ARNT2: variants seen among roughly 807,000 people sequenced by gnomAD.
ARNT2 encodes ARNT protein 2.
In ARNT2, 36 loss-of-function variants were observed where a neutral mutation model predicts 91.7. That is an observed-to-expected ratio of 0.39 (90% CI 0.30 to 0.52). ARNT2 has a LOEUF of 0.52. ARNT2 is among the 20% of genes least tolerant of loss of function. The pLI, the probability that ARNT2 is intolerant of heterozygous loss-of-function variation, is 0.72. For missense variants in ARNT2, 775 were observed against 939.3 expected (o/e 0.83, Z 2.29); for synonymous variants, 365 against 347.1 (o/e 1.05, Z -0.57).
At chr15:80,509,979 G>A (rs1412086515) in intron 6 of ARNT2, among the ~76,000 whole-genome samples, 1 of 152,200 alleles carries the variant, frequency 6.6e-6, no homozygotes, top group Non-Finnish European at 1.5e-5. Flanking sequence ...GAAGTTGACT[G>A]TGAGAGTTAC....
chr15:80,454,762 G>A (rs3848175), intron 2 of ARNT2, among the ~76,000 whole-genome samples: 34,281 of 152,098 alleles, frequency 0.23, 4,147 homozygotes, highest in Non-Finnish European at 0.28. Context: ...TTAGAGGCTC[G>A]TATTTGATGA....
intron 1 of ARNT2, among the ~76,000 whole-genome samples, chr15:80,418,713 T>A (rs140703804): frequency 5.1e-4 from 78 of 152,264 alleles, no homozygotes; most frequent in African/African-American, 1.9e-3. Flanking sequence ...TGCCTGCACA[T>A]CTGAAACTTA....
At chr15:80,494,445 A>T (rs1364178642) in intron 5 of ARNT2, among the ~76,000 whole-genome samples, 1 of 151,924 alleles carries the variant, frequency 6.6e-6, no homozygotes, top group Non-Finnish European at 1.5e-5. Context: ...TTAAAATTAA[A>T]CCCCTCAGGC....
At chr15:80,563,378 G>A in intron 12 of ARNT2, 139 bp downstream of exon 12, 2 of 1,079,886 alleles carry the variant, frequency 1.9e-6, no homozygotes, top group Non-Finnish European at 2.7e-6. Flanking sequence ...GAATAGAGGA[G>A]ACTGTAGGTC....
Position 80,593,754 on chromosome 15 carries a change from G to T in ARNT2, c.*56G>T. 1 of 1,497,300 alleles carries T rather than the reference G, an allele frequency of 6.7e-7. No homozygotes were observed. The highest frequency in any genetic ancestry group is 1.4e-5 in the African/African-American group (1 of 72,508). 92.8% of individuals were successfully genotyped at this position (1,497,300 alleles called of 1,614,324 possible). On this transcript the variant is annotated 3_prime_UTR_variant, in exon 19 of 19. Transcript: ENST00000303329. ...GTGCCACCCATACTGTGATGTCGATGCCCATGTGAATGAGGCCCACCCTCG... is the reference window on the plus strand; with the variant it reads ...GTGCCACCCATACTGTGATGTCGATTCCCATGTGAATGAGGCCCACCCTCG...
At chr15:80,439,665 C>T (rs1354611325) in intron 1 of ARNT2, among the ~76,000 whole-genome samples, 1 of 152,226 alleles carries the variant, frequency 6.6e-6, no homozygotes. Flanking sequence ...TTCTGTTCAA[C>T]TTCCAACTGC....
At chr15:80,406,231 G>A (rs1011846098) in intron 1 of ARNT2, among the ~76,000 whole-genome samples, 1 of 152,240 alleles carries the variant, frequency 6.6e-6, no homozygotes, top group Non-Finnish European at 1.5e-5. Flanking sequence ...AAGAGCCTGT[G>A]TAATTCCAAG....
chr15:80,449,429 T>C (rs1258063247), intron 1 of ARNT2, among the ~76,000 whole-genome samples: 1 of 152,134 alleles, frequency 6.6e-6, no homozygotes, highest in Non-Finnish European at 1.5e-5. Flanking sequence ...GATAAAGTTG[T>C]TGGGTTATTG....
chr15:80,447,474 C>T (rs549806786), intron 1 of ARNT2, among the ~76,000 whole-genome samples: 1 of 152,360 alleles, frequency 6.6e-6, no homozygotes, highest in Admixed American at 6.5e-5. Flanking sequence ...AACTGGCTTG[C>T]AGGGCTGCTC....
intron 5 of ARNT2, among the ~76,000 whole-genome samples, chr15:80,479,843 G>T (rs993420760): frequency 6.6e-6 from 1 of 152,164 alleles, no homozygotes; most frequent in African/African-American, 2.4e-5. Flanking sequence ...GAGACTCTGA[G>T]CTAAGATGTG....
intron 3 of ARNT2, among the ~76,000 whole-genome samples, chr15:80,468,400 G>T (rs1021195850): frequency 2.6e-5 from 4 of 151,908 alleles, no homozygotes; most frequent in Admixed American, 6.6e-5. Flanking sequence ...GTCCAGCAAG[G>T]TTTCCCAGCT....
chr15:80,534,153 C>G (rs1028240574), intron 8 of ARNT2, among the ~76,000 whole-genome samples: 2 of 152,192 alleles, frequency 1.3e-5, no homozygotes, highest in African/African-American at 4.8e-5. Context: ...CATCATCAGG[C>G]ATGTTATCTC....
chr15:80,477,782 T>C (rs903192445), intron 5 of ARNT2, among the ~76,000 whole-genome samples: 7 of 152,218 alleles, frequency 4.6e-5, no homozygotes, highest in Non-Finnish European at 8.8e-5. Flanking sequence ...ATTAAGACTT[T>C]AACATACTAA....
At chr15:80,552,577 C>A in intron 9 of ARNT2, 63 bp from the exon 10 acceptor site, 1 of 1,568,734 alleles carries the variant, frequency 6.4e-7, no homozygotes, top group South Asian at 1.2e-5. Flanking sequence ...CTTCTCATCT[C>A]TGTCACCATC....
chr15:80,481,298 C>T (rs906645563), intron 5 of ARNT2, among the ~76,000 whole-genome samples: 1 of 152,200 alleles, frequency 6.6e-6, no homozygotes, highest in African/African-American at 2.4e-5. Context: ...GCTCATATAC[C>T]TTTCATCAGG....
chr15:80,558,784 A>G (rs1014535144), intron 11 of ARNT2, among the ~76,000 whole-genome samples: 3 of 152,204 alleles, frequency 2.0e-5, no homozygotes, highest in African/African-American at 7.2e-5. Context: ...ATGGTTAAGC[A>G]TTGTAAGGGG....
At chr15:80,507,366 C>T (rs538120904) in intron 5 of ARNT2, among the ~76,000 whole-genome samples, 5 of 151,870 alleles carry the variant, frequency 3.3e-5, no homozygotes, top group African/African-American at 9.7e-5. Context: ...TGTGTGCAGG[C>T]GGTGAGGGAG....
chr15:80,431,337 G>A (rs1451400180), intron 1 of ARNT2, among the ~76,000 whole-genome samples: 1 of 152,136 alleles, frequency 6.6e-6, no homozygotes, highest in Non-Finnish European at 1.5e-5. Flanking sequence ...TTCTTGCCAT[G>A]CCCAGGTTAT....
At chr15:80,481,924 C>T (rs888313354) in intron 5 of ARNT2, among the ~76,000 whole-genome samples, 1 of 152,038 alleles carries the variant, frequency 6.6e-6, no homozygotes, top group African/African-American at 2.4e-5. Flanking sequence ...TTTGTAGAGA[C>T]AAGGTCTTGC....
Sources: gnomAD v4.1 joint callset for allele counts (sites outside exome capture counted in the v4.1 genomes callset) on GRCh38, gnomAD v4.1.1 for gene constraint, MANE v1.5 for transcripts, NCBI Gene and HGNC (gene_info 2026-07-23, HGNC 2026-07-21) for gene names.